The following RGS6 variants were observed in gnomAD, a reference collection of about 807,000 sequenced individuals.
RGS6 encodes the protein regulator of G protein signaling 6, also known as regulator of G-protein signaling 6.
A neutral mutation model predicts 78.5 loss-of-function variants in RGS6; 30 were observed. The observed-to-expected ratio is 0.38, with a 90% CI of 0.29 to 0.52. The LOEUF (loss-of-function observed/expected upper bound fraction) is 0.52. RGS6 is among the 20% of genes least tolerant of loss of function. The probability of loss-of-function intolerance (pLI) is 0.85; values close to 1 mark genes in which losing one functional copy is unlikely to be tolerated. For missense variants in RGS6, 495 were observed against 609.7 expected, an observed-to-expected ratio of 0.81 and a Z score of 1.98; for synonymous variants, 206 against 206.0, an observed-to-expected ratio of 1.00 and a Z score of 0.00.
intron 2 of RGS6, among the ~76,000 whole-genome samples, chr14:72,249,212 T>C (rs1282076492): frequency 2.0e-5 from 3 of 152,130 alleles, no homozygotes; most frequent in African/African-American, 7.2e-5. Context: ...CATCCTTTGC[T>C]AAGACAAAAG....
intron 12 of RGS6, among the ~76,000 whole-genome samples, chr14:72,492,664 A>G (rs2096593598): frequency 6.6e-6 from 1 of 152,108 alleles, no homozygotes; most frequent in Admixed American, 6.5e-5. Context: ...CCAACATACT[A>G]TACTTTAGGG....
chr14:71,944,336 C>T (rs931073588), intron 1 of RGS6, among the ~76,000 whole-genome samples: 7 of 152,146 alleles, frequency 4.6e-5, no homozygotes, highest in Admixed American at 1.3e-4. Flanking sequence ...CGAGTGGAAA[C>T]GAGGTTCAGT....
intron 2 of RGS6, among the ~76,000 whole-genome samples, chr14:72,324,623 G>C (rs2073187530): frequency 6.6e-6 from 1 of 152,026 alleles, no homozygotes; most frequent in African/African-American, 2.4e-5. Context: ...TTCTGTCCTT[G>C]CGATAGTTTG....
intron 2 of RGS6, among the ~76,000 whole-genome samples, chr14:71,986,957 C>G (rs2094738882): frequency 6.6e-6 from 1 of 152,036 alleles, no homozygotes; most frequent in Non-Finnish European, 1.5e-5. Flanking sequence ...CTTATAGGAC[C>G]CCCGGTGATT....
chr14:71,976,269 T>A (rs1389063843), intron 2 of RGS6, among the ~76,000 whole-genome samples: 2 of 151,496 alleles, frequency 1.3e-5, no homozygotes, highest in Admixed American at 6.6e-5. Context: ...TTATTTTTTT[T>A]AATTATTATA....
chr14:71,907,952 C>T, the RGS6 span, among the ~76,000 whole-genome samples: 3,588 of 152,236 alleles, frequency 0.024, 157 homozygotes, highest in African/African-American at 0.082. Context: ...AGCACGGGTA[C>T]TGGATCCTAA....
chr14:72,304,907 CA>C (rs1433410261), intron 2 of RGS6, among the ~76,000 whole-genome samples: 1 of 151,766 alleles, frequency 6.6e-6, no homozygotes, highest in Non-Finnish European at 1.5e-5. Flanking sequence ...AATTAATAAA[CA>C]TTGCCAATTG....
chr14:71,875,775 G>A, the RGS6 span, among the ~76,000 whole-genome samples: 1 of 151,986 alleles, frequency 6.6e-6, no homozygotes, highest in African/African-American at 2.4e-5. Flanking sequence ...TTCTCTTGTG[G>A]GCATTTAGTG....
At chr14:72,386,698 G>T (rs745390830) in intron 3 of RGS6, among the ~76,000 whole-genome samples, 1 of 152,086 alleles carries the variant, frequency 6.6e-6, no homozygotes, top group Non-Finnish European at 1.5e-5. Context: ...CCTATCCCGT[G>T]CTCCACTGCA....
At chr14:72,570,685 AC>A (rs2097719246), downstream of RGS6, among the ~76,000 whole-genome samples, 1 of 152,140 alleles carries the variant, frequency 6.6e-6, no homozygotes, top group Non-Finnish European at 1.5e-5. Context: ...GCTGGAACAG[AC>A]CCCAGGGACA....
At chr14:72,231,135 G>A (rs1456182136) in intron 2 of RGS6, among the ~76,000 whole-genome samples, 1 of 152,138 alleles carries the variant, frequency 6.6e-6, no homozygotes, top group Non-Finnish European at 1.5e-5. Context: ...AGAGAATGGT[G>A]GACAAAGTCC....
chr14:72,043,941 C>T (rs2092636189), intron 2 of RGS6, among the ~76,000 whole-genome samples: 3 of 152,140 alleles, frequency 2.0e-5, no homozygotes, highest in Non-Finnish European at 4.4e-5. Flanking sequence ...TCCTCCTCTT[C>T]CTTGTTCCGC....
At chr14:72,499,951 G>T (rs2096700686) in intron 13 of RGS6, among the ~76,000 whole-genome samples, 1 of 152,222 alleles carries the variant, frequency 6.6e-6, no homozygotes. Context: ...CACCGTGTGG[G>T]CTGGAGGGAG....
At chr14:72,051,606 G>A (rs1433768324) in intron 2 of RGS6, among the ~76,000 whole-genome samples, 1 of 152,076 alleles carries the variant, frequency 6.6e-6, no homozygotes, top group East Asian at 1.9e-4. Flanking sequence ...TGTGTGTGGC[G>A]GTGAAAGGGG....
At chr14:72,267,429 T>C (rs1242136794) in intron 2 of RGS6, among the ~76,000 whole-genome samples, 2 of 152,188 alleles carry the variant, frequency 1.3e-5, no homozygotes, top group African/African-American at 2.4e-5. Flanking sequence ...GAGAGCTGGG[T>C]TGAGTAGTTG....
intron 2 of RGS6, among the ~76,000 whole-genome samples, chr14:72,225,022 A>G (rs1273876366): frequency 1.3e-5 from 2 of 152,202 alleles, no homozygotes; most frequent in Admixed American, 6.5e-5. Context: ...AGATTTACCC[A>G]TCTTGAGTGG....
At chr14:72,037,624 C>T (rs1453637813) in intron 2 of RGS6, among the ~76,000 whole-genome samples, 1 of 152,228 alleles carries the variant, frequency 6.6e-6, no homozygotes, top group African/African-American at 2.4e-5. Flanking sequence ...ATGCTTCAAA[C>T]ACCGTTTATT....
At chr14:71,868,479 C>A in the RGS6 span, among the ~76,000 whole-genome samples, 6 of 152,084 alleles carry the variant, frequency 3.9e-5, no homozygotes, top group South Asian at 4.1e-4. Context: ...TTCATTAAAC[C>A]AATTATATTT....
At chr14:71,904,769 G>A in the RGS6 span, among the ~76,000 whole-genome samples, 1 of 152,176 alleles carries the variant, frequency 6.6e-6, no homozygotes, top group Non-Finnish European at 1.5e-5. Flanking sequence ...ATGTTTGCAT[G>A]GAACTCAACC....
Sources: gnomAD v4.1 joint callset for allele counts (sites outside exome capture counted in the v4.1 genomes callset) on GRCh38, gnomAD v4.1.1 for gene constraint, MANE v1.5 for transcripts, NCBI Gene and HGNC (gene_info 2026-07-23, HGNC 2026-07-21) for gene names.